The following MRTFB variants were observed in gnomAD, a reference collection of about 807,000 sequenced individuals.
The protein encoded by MRTFB is myocardin-related transcription factor B.
A neutral mutation model predicts 104.2 loss-of-function variants in MRTFB; 29 were observed. That is an observed-to-expected ratio of 0.28 (90% confidence interval 0.21 to 0.38). The LOEUF is 0.38. Among genes scored for constraint, MRTFB ranks in the 10% least tolerant of loss-of-function variants. The pLI is 1.00. For missense variants in MRTFB, 1,270 were observed against 1,341.6 expected (o/e 0.95, Z 0.83); for synonymous variants, 535 against 519.5 (o/e 1.03, Z -0.41).
At chr16:14,169,090 T>A (rs2039341133) in intron 3 of MRTFB, among the ~76,000 whole-genome samples, 1 of 152,196 alleles carries the variant, frequency 6.6e-6, no homozygotes, top group Non-Finnish European at 1.5e-5. Context: ...CAGTGAGCTC[T>A]CATGTATACC....
At chr16:14,162,295 C>G (rs2039071747) in intron 3 of MRTFB, among the ~76,000 whole-genome samples, 2 of 152,110 alleles carry the variant, frequency 1.3e-5, no homozygotes, top group Non-Finnish European at 2.9e-5. Flanking sequence ...CATCACATCA[C>G]TGTTCTCCCC....
chr16:14,049,069 C>CAG, the MRTFB span, among the ~76,000 whole-genome samples: 17 of 151,386 alleles, frequency 1.1e-4, no homozygotes, highest in African/African-American at 3.9e-4. Flanking sequence ...CCGTCACAAC[C>CAG]AGAGAGAGAG....
chr16:14,212,507 C>G (rs2041236880), intron 5 of MRTFB, 98 bp downstream of exon 5: 8 of 1,058,484 alleles, frequency 7.6e-6, no homozygotes, highest in Non-Finnish European at 1.0e-5. Context: ...CTAAATATGT[C>G]AATAGAGAAA....
At chr16:14,136,541 T>C (rs969713977) in intron 2 of MRTFB, among the ~76,000 whole-genome samples, 1 of 151,570 alleles carries the variant, frequency 6.6e-6, no homozygotes, top group East Asian at 1.9e-4. Flanking sequence ...CCATCAGGGA[T>C]TTTTTTTTAA....
chr16:14,106,800 G>A (rs1236554232), intron 2 of MRTFB, among the ~76,000 whole-genome samples: 1 of 152,162 alleles, frequency 6.6e-6, no homozygotes, highest in African/African-American at 2.4e-5. Flanking sequence ...CATTGGGCTG[G>A]GACTCAGTGA....
chr16:14,096,076 AT>A (rs921878962), intron 2 of MRTFB, among the ~76,000 whole-genome samples: 34 of 151,384 alleles, frequency 2.2e-4, no homozygotes, highest in African/African-American at 8.3e-4. Context: ...TTATTTATTT[AT>A]TTATTTATTT....
At chr16:14,092,530 C>T (rs2035140905) in intron 2 of MRTFB, among the ~76,000 whole-genome samples, 1 of 152,076 alleles carries the variant, frequency 6.6e-6, no homozygotes, top group Non-Finnish European at 1.5e-5. Flanking sequence ...CTTTTCTTTC[C>T]TTTTTTGTCC....
chr16:14,194,701 T>G (rs928678540), intron 3 of MRTFB, among the ~76,000 whole-genome samples: 1 of 142,402 alleles, frequency 7.0e-6, no homozygotes, highest in Non-Finnish European at 1.5e-5. Flanking sequence ...TGTATGCTTT[T>G]CTTTTTTTTT....
chr16:14,017,085 C>A, the MRTFB span, among the ~76,000 whole-genome samples: 2 of 130,256 alleles, frequency 1.5e-5, no homozygotes, highest in Non-Finnish European at 3.1e-5. Context: ...GAGACGGAGT[C>A]TCGCTCTGTT....
intron 9 of MRTFB, among the ~76,000 whole-genome samples, chr16:14,236,724 A>G (rs572995635): frequency 6.6e-6 from 1 of 152,352 alleles, no homozygotes; most frequent in South Asian, 2.1e-4. Context: ...GGGTGTGGCC[A>G]GAGACCAGCG....
In MRTFB at chr16:14,263,811, T is replaced by TAG. The variant is rs1484750959; in HGVS notation, c.*2368_*2369insGA. ...CACTTTTAAAAAGACAAGGCATCTC[T>TAG]ACCCATTAACTCTGCAAGCCACTCC... On this transcript the variant is annotated 3_prime_UTR_variant, in exon 17 of 17. Coordinates refer to ENST00000571589, the MANE Select transcript of MRTFB (RefSeq NM_001308142.2). The TAG allele has an allele frequency of 2.0e-5, 3 of 152,190 alleles. No homozygotes were observed. The highest frequency in any genetic ancestry group is 4.4e-5 in the Non-Finnish European group (3 of 68,022). The allele number at this position is 152,190 out of a possible 1,614,324, so 9.4% of individuals were successfully genotyped here.
intron 3 of MRTFB, among the ~76,000 whole-genome samples, chr16:14,146,716 GA>G (rs1410260762): frequency 6.6e-6 from 1 of 152,136 alleles, no homozygotes; most frequent in Non-Finnish European, 1.5e-5. Context: ...GTTTCACTTT[GA>G]AAGCATTTCC....
chr16:14,229,297 A>G (rs138345096), intron 8 of MRTFB, among the ~76,000 whole-genome samples: 1 of 151,878 alleles, frequency 6.6e-6, no homozygotes, highest in African/African-American at 2.4e-5. Context: ...GTTTTACGTA[A>G]AATATTCATC....
At chr16:14,114,867 A>C (rs1411789639) in intron 2 of MRTFB, among the ~76,000 whole-genome samples, 1 of 152,216 alleles carries the variant, frequency 6.6e-6, no homozygotes, top group Non-Finnish European at 1.5e-5. Context: ...CCAAGGGGCT[A>C]TCTGGCTACC....
intron 2 of MRTFB, among the ~76,000 whole-genome samples, chr16:14,092,398 G>A (rs1468496604): frequency 1.3e-5 from 2 of 152,168 alleles, no homozygotes; most frequent in East Asian, 3.8e-4. Context: ...AACAGATTTA[G>A]GAGTTATCTG....
the MRTFB span, among the ~76,000 whole-genome samples, chr16:14,035,434 C>T: frequency 6.6e-6 from 1 of 152,194 alleles, no homozygotes; most frequent in African/African-American, 2.4e-5. Context: ...TTTATCCGGC[C>T]TTGGTGCAAA....
At chr16:14,181,326 T>C (rs1045938263) in intron 3 of MRTFB, among the ~76,000 whole-genome samples, 50 of 152,306 alleles carry the variant, frequency 3.3e-4, no homozygotes, top group Non-Finnish European at 5.1e-4. Flanking sequence ...ATATGTATTT[T>C]ACTAAAAATA....
Position 14,252,502 on chromosome 16 carries a change from G to T in MRTFB, c.2703G>T (p.Glu901Asp). 6.2e-7 allele frequency: 1 copy of T among 1,613,956 alleles called. No individual in the cohort carries two copies. Among genetic ancestry groups the T allele is most frequent in the Non-Finnish European group, 8.5e-7 (1 of 1,179,972 alleles). ...GCAGCACACAGGCCCCTCTGCCAGA[G>T]GTAAGTGAGGGCACGGTCATGGTGC... is the stretch of plus-strand genomic sequence containing the variant. ...QTRSTQAPLPEISNAHSQQMD... is the reference protein window; with the variant it reads ...QTRSTQAPLPDISNAHSQQMD... The change falls in exon 15 of 17, where the codon GAG becomes GAT. Residue 901 changes from glutamate (E) to aspartate (D), a missense_variant and splice_region_variant. Glu to Asp is a conservative substitution (Grantham distance 45). Around this residue, in one of 3 missense-constraint regions of MRTFB, gnomAD observed 1,144 missense variants for 1,131.5 expected, o/e 1.01. Transcript: ENST00000571589.
At chr16:14,157,302 G>T (rs1286871065) in intron 3 of MRTFB, among the ~76,000 whole-genome samples, 3 of 152,264 alleles carry the variant, frequency 2.0e-5, no homozygotes, top group East Asian at 1.9e-4. Flanking sequence ...AAGAATTTAG[G>T]TTGATAAAGA....
Sources: allele counts gnomAD v4.1 joint callset (sites outside exome capture counted in the v4.1 genomes callset), GRCh38; gene constraint gnomAD v4.1.1; regional missense constraint gnomAD v4.1.1; transcripts MANE v1.5; gene names NCBI Gene and HGNC (gene_info 2026-07-23, HGNC 2026-07-21).